Variants in FGF12 observed in about 807,000 individuals in gnomAD.
The protein encoded by FGF12 is fibroblast growth factor 12, also known as fibroblast growth factor 12B.
Under a neutral mutation model 23.6 loss-of-function variants are expected in FGF12, and 14 were observed. The observed-to-expected ratio is 0.59, with a 90% confidence interval of 0.39 to 0.93. FGF12 has a LOEUF of 0.93. FGF12 is among the 40% of genes least tolerant of loss of function. FGF12 has a pLI of 0.00. For missense variants in FGF12, 175 were observed against 217.8 expected, an observed-to-expected ratio of 0.80 and a Z score of 1.24; for synonymous variants, 62 against 77.3, an observed-to-expected ratio of 0.80 and a Z score of 1.04.
chr3:192,485,070 A>G (rs974239411), intron 2 of FGF12, among the ~76,000 whole-genome samples: 4 of 152,154 alleles, frequency 2.6e-5, no homozygotes, highest in Admixed American at 2.0e-4. Context: ...GTGTACACAT[A>G]AATTTTAAAA....
At chr3:192,507,045 C>T (rs913003723) in intron 2 of FGF12, among the ~76,000 whole-genome samples, 4 of 152,012 alleles carry the variant, frequency 2.6e-5, no homozygotes, top group Admixed American at 2.0e-4. Flanking sequence ...GCGCCTGCCA[C>T]CACGCCCGGC....
intron 2 of FGF12, among the ~76,000 whole-genome samples, chr3:192,726,291 G>A (rs910599045): frequency 6.6e-5 from 10 of 151,820 alleles, no homozygotes; most frequent in South Asian, 4.1e-4. Flanking sequence ...TTCTGATTTC[G>A]CCAGAATTAA....
intron 4 of FGF12, among the ~76,000 whole-genome samples, chr3:192,332,427 T>TA (rs1577361087): frequency 6.6e-6 from 1 of 151,852 alleles, no homozygotes. Context: ...AAAGGAAATT[T>TA]AAAAAAATAC....
intron 2 of FGF12, among the ~76,000 whole-genome samples, chr3:192,602,643 T>C (rs760366805): frequency 6.6e-6 from 1 of 151,852 alleles, no homozygotes; most frequent in South Asian, 2.1e-4. Context: ...AAAAGATCTA[T>C]GATACCACTG....
chr3:192,693,298 A>G (rs1164978332), intron 2 of FGF12, among the ~76,000 whole-genome samples: 1 of 152,148 alleles, frequency 6.6e-6, no homozygotes, highest in Non-Finnish European at 1.5e-5. Context: ...AATAAAAGAT[A>G]TGTCTTGTTC....
In FGF12 at chr3:192,198,467, T is replaced by A. The variant is rs186151985; in HGVS notation, c.229-27811A>T. On this transcript the variant is annotated intron_variant, in intron 4 of 5. Transcript: ENST00000445105. ...TCAGTAATAATGCTCACTAAATTTG[T>A]AAATGTTGAAATGCTGCTTTACCTT... Among the ~76,000 whole-genome samples, 253 of 152,302 alleles carry A rather than the reference T, an allele frequency of 1.7e-3. 1 individual carries two copies. The highest frequency in any genetic ancestry group is 5.9e-3 in the African/African-American group (247 of 41,566).
At chr3:192,355,948 G>A (rs1309947815) in intron 3 of FGF12, among the ~76,000 whole-genome samples, 1 of 152,154 alleles carries the variant, frequency 6.6e-6, no homozygotes, top group African/African-American at 2.4e-5. Context: ...TTGCAAATGT[G>A]AAATTGTCTA....
At chr3:192,588,336 C>A (rs1339906612) in intron 2 of FGF12, among the ~76,000 whole-genome samples, 6 of 62,830 alleles carry the variant, frequency 9.5e-5, no homozygotes, top group Admixed American at 2.7e-4. Context: ...GGCGACAGAG[C>A]AACAATCCGT....
chr3:192,618,657 AGCT>A (rs1714854978), intron 2 of FGF12, among the ~76,000 whole-genome samples: 2 of 152,176 alleles, frequency 1.3e-5, no homozygotes, highest in African/African-American at 2.4e-5. Context: ...TCTCATTTGA[AGCT>A]GCTAAGTCTT....
At chr3:192,279,514 A>G (rs1156274967) in intron 4 of FGF12, among the ~76,000 whole-genome samples, 1 of 152,128 alleles carries the variant, frequency 6.6e-6, no homozygotes, top group Admixed American at 6.5e-5. Flanking sequence ...AGGCATAGAG[A>G]TACTAAAGTT....
In FGF12 at chr3:192,279,016, C is replaced by A. The variant is rs185597634; in HGVS notation, c.228+56345G>T. Among the ~76,000 whole-genome samples the A allele has an allele frequency of 2.8e-3, 425 of 151,958 alleles. 1 individual carries two copies. Among genetic ancestry groups the A allele is most frequent in the African/African-American group, 9.8e-3 (407 of 41,422 alleles). On this transcript the variant is annotated intron_variant, in intron 4 of 5. Transcript: ENST00000445105. ...GTGGATGAGAGTGTGGAATGAATAA[C>A]CTTTGAATAACGAAGGAAGTGTTTA...
intron 2 of FGF12, among the ~76,000 whole-genome samples, chr3:192,632,251 T>C (rs1715416626): frequency 6.6e-6 from 1 of 152,188 alleles, no homozygotes; most frequent in Non-Finnish European, 1.5e-5. Context: ...CAACACCCAC[T>C]GAAATTTTTA....
At chr3:192,545,247 A>G (rs1010085526) in intron 2 of FGF12, among the ~76,000 whole-genome samples, 4 of 152,216 alleles carry the variant, frequency 2.6e-5, no homozygotes, top group Non-Finnish European at 5.9e-5. Context: ...CTACTTGTGT[A>G]TAAGCCTTAA....
chr3:192,195,325 G>A (rs780967844), intron 4 of FGF12, among the ~76,000 whole-genome samples: 7 of 152,108 alleles, frequency 4.6e-5, no homozygotes, highest in African/African-American at 9.7e-5. Flanking sequence ...ACAGTTATAC[G>A]TATTTATCGT....
At chr3:192,312,983 T>C (rs1716038367) in intron 4 of FGF12, among the ~76,000 whole-genome samples, 2 of 152,192 alleles carry the variant, frequency 1.3e-5, no homozygotes, top group African/African-American at 4.8e-5. Context: ...GAATTGGCAC[T>C]TTTTCCCTGT....
At chr3:192,158,624 TTCTCTC>T (rs1162730311) in intron 5 of FGF12, among the ~76,000 whole-genome samples, 1 of 45,524 alleles carries the variant, frequency 2.2e-5, no homozygotes, top group African/African-American at 6.3e-5. Flanking sequence ...CCTTCTTTCT[TTCTCTC>T]TGTTTTTTCC....
In FGF12 at chr3:192,360,380, C is replaced by T. The variant is rs1718662177; in HGVS notation, c.124+48G>A. 3.1e-6 allele frequency: 4 copies of T among 1,278,640 alleles called. No homozygotes were observed. The highest frequency in any genetic ancestry group is 4.6e-6 in the Non-Finnish European group (4 of 874,976). The allele number at this position is 1,278,640 out of a possible 1,614,324, so 79.2% of individuals were successfully genotyped here. A position where few individuals can be genotyped will look rare whatever the true frequency, so the allele number is the denominator to read the frequency against. ...TGCTTTAAGTATAAGATACACTGGG[C>T]CCTACATTTGATTTGTAATCAGATT... On this transcript the variant is annotated intron_variant, in intron 3 of 5. Transcript: ENST00000445105. The surrounding 1 kb of genome is among the most constrained non-coding windows in gnomAD (Gnocchi z 4.3).
intron 2 of FGF12, among the ~76,000 whole-genome samples, chr3:192,676,446 A>G (rs1269025200): frequency 6.6e-6 from 1 of 152,234 alleles, no homozygotes; most frequent in Admixed American, 6.5e-5. Flanking sequence ...AATTAGAGGT[A>G]GACCTCAAGC....
chr3:192,348,954 G>A (rs1280023455), intron 3 of FGF12, among the ~76,000 whole-genome samples: 1 of 152,200 alleles, frequency 6.6e-6, no homozygotes, highest in Non-Finnish European at 1.5e-5. Context: ...ACTATTATCT[G>A]ATATGTCCCC....
Sources: gnomAD v4.1 joint callset for allele counts (sites outside exome capture counted in the v4.1 genomes callset) on GRCh38, gnomAD v4.1.1 for gene constraint, Gnocchi (gnomAD v3.1) non-coding constraint, MANE v1.5 for transcripts, NCBI Gene and HGNC (gene_info 2026-07-23, HGNC 2026-07-21) for gene names.